The following SHTN1 variants were observed in gnomAD, a reference collection of about 807,000 sequenced individuals.
SHTN1 encodes shootin 1, also known as shootin-1.
A neutral mutation model predicts 83.1 loss-of-function variants in SHTN1; 42 were observed. The ratio of observed to expected loss-of-function variants is 0.51; its 90% CI spans 0.39 to 0.65. The LOEUF is 0.65. Among genes scored for constraint, SHTN1 ranks in the 30% least tolerant of loss-of-function variants. The probability of loss-of-function intolerance (pLI) is 0.00; values close to 1 mark genes in which losing one functional copy is unlikely to be tolerated. For missense variants in SHTN1, 622 were observed against 737.8 expected (o/e 0.84, Z 1.82); for synonymous variants, 224 against 247.7 (o/e 0.90, Z 0.90).
At chr10:116,944,280 C>T (rs1445910446) in intron 8 of SHTN1, among the ~76,000 whole-genome samples, 1 of 152,178 alleles carries the variant, frequency 6.6e-6, no homozygotes, top group Non-Finnish European at 1.5e-5. Context: ...CTTTCCCTTA[C>T]ATAGCATTTT....
chr10:116,905,208 C>CA (rs772309175), intron 15 of SHTN1, among the ~76,000 whole-genome samples: 8,568 of 62,622 alleles, frequency 0.14, 606 homozygotes, highest in East Asian at 0.26. Flanking sequence ...GACTCCGTCT[C>CA]AAAAAAAAAA....
intron 2 of SHTN1, among the ~76,000 whole-genome samples, chr10:117,016,035 C>A (rs1043252279): frequency 4.6e-5 from 7 of 152,194 alleles, no homozygotes; most frequent in Non-Finnish European, 8.8e-5. Flanking sequence ...TTTTGAACCA[C>A]ACATTTAGAT....
At chr10:117,028,360 T>C (rs1219007463) in intron 2 of SHTN1, among the ~76,000 whole-genome samples, 1 of 152,154 alleles carries the variant, frequency 6.6e-6, no homozygotes, top group Non-Finnish European at 1.5e-5. Context: ...GGCCATGTAG[T>C]AGTAAATAAA....
intron 2 of SHTN1, among the ~76,000 whole-genome samples, chr10:116,974,687 CATAA>C (rs1850729563): frequency 6.6e-6 from 1 of 152,170 alleles, no homozygotes; most frequent in Non-Finnish European, 1.5e-5. Context: ...TAATACTAAA[CATAA>C]ATACTTACTA....
chr10:116,996,563 A>C (rs1851634830), intron 1 of SHTN1, among the ~76,000 whole-genome samples: 1 of 152,200 alleles, frequency 6.6e-6, no homozygotes, highest in Non-Finnish European at 1.5e-5. Context: ...AAGATTTATA[A>C]ATCCTCTCAA....
intron 1 of SHTN1, among the ~76,000 whole-genome samples, chr10:117,002,989 C>A (rs1021546401): frequency 6.6e-6 from 1 of 152,084 alleles, no homozygotes. Context: ...TTTGTCAGGC[C>A]TCAAACCCAA....
chr10:116,995,151 T>A (rs1264062595), intron 1 of SHTN1, among the ~76,000 whole-genome samples: 2 of 152,182 alleles, frequency 1.3e-5, no homozygotes, highest in African/African-American at 4.8e-5. Context: ...TTCACATTTA[T>A]CATAACTGCT....
intron 7 of SHTN1, among the ~76,000 whole-genome samples, chr10:116,946,240 T>G (rs1324666633): frequency 6.7e-6 from 1 of 148,752 alleles, no homozygotes; most frequent in African/African-American, 2.4e-5. Context: ...TATGTATATA[T>G]GTAGAGAGAG....
intron 1 of SHTN1, among the ~76,000 whole-genome samples, chr10:117,103,919 T>G (rs1464875527): frequency 6.6e-6 from 1 of 152,162 alleles, no homozygotes; most frequent in Non-Finnish European, 1.5e-5. Context: ...GATGAATAAT[T>G]TTAATGGTAA....
intron 16 of SHTN1, among the ~76,000 whole-genome samples, chr10:116,895,670 T>C (rs1330205066): frequency 1.3e-5 from 2 of 152,216 alleles, no homozygotes; most frequent in Non-Finnish European, 2.9e-5. Context: ...AGGAATCTTA[T>C]GGTCATTCTT....
At chr10:117,039,809 C>A (rs1265284582) in intron 2 of SHTN1, among the ~76,000 whole-genome samples, 1 of 149,038 alleles carries the variant, frequency 6.7e-6, no homozygotes, top group Non-Finnish European at 1.5e-5. Context: ...GCCAAGATTG[C>A]GCCCCTGCAC....
At chr10:116,994,766 T>C (rs1230733206) in intron 1 of SHTN1, among the ~76,000 whole-genome samples, 1 of 152,164 alleles carries the variant, frequency 6.6e-6, no homozygotes, top group Non-Finnish European at 1.5e-5. Flanking sequence ...TTGAATCTTT[T>C]TTACAAACCT....
intron 13 of SHTN1, among the ~76,000 whole-genome samples, chr10:116,913,346 A>G (rs79402073): frequency 0.011 from 1,749 of 152,304 alleles, 19 homozygotes; most frequent in Non-Finnish European, 0.019. Flanking sequence ...ATGCAGTGAC[A>G]ATTTGTTTTA....
Position 116,911,143 on chromosome 10 carries a change from G to A in SHTN1, c.1359+647C>T, listed in dbSNP as rs1286243397. On this transcript the variant is annotated intron_variant, in intron 14 of 16. Coordinates refer to ENST00000355371, the MANE Select transcript of SHTN1 (RefSeq NM_001127211.3). ...GTATCTGAAACATTTTCTAAGTGAG[G>A]CATCTGTCTCTAACAGCAACTGCTG... 2.6e-5 allele frequency among the ~76,000 whole-genome samples: 4 copies of A among 152,170 alleles called. No individual in the cohort carries two copies. The East Asian group carries it at 7.7e-4, about 29-fold the overall frequency.
At chr10:117,046,838 C>G (rs1391838618) in intron 2 of SHTN1, among the ~76,000 whole-genome samples, 1 of 151,884 alleles carries the variant, frequency 6.6e-6, no homozygotes. Flanking sequence ...TTGCCAGGAG[C>G]TGGGGAAAAG....
At chr10:117,002,582 T>C (rs543713913) in intron 1 of SHTN1, among the ~76,000 whole-genome samples, 5 of 152,294 alleles carry the variant, frequency 3.3e-5, no homozygotes, top group African/African-American at 9.6e-5. Flanking sequence ...GCTTACAAAA[T>C]TGATCATAGT....
chr10:116,928,623 A>G (rs1259029153), intron 10 of SHTN1, among the ~76,000 whole-genome samples: 1 of 152,186 alleles, frequency 6.6e-6, no homozygotes, highest in Non-Finnish European at 1.5e-5. Flanking sequence ...GTTGGCACTC[A>G]GAGGTAGCTC....
intron 1 of SHTN1, among the ~76,000 whole-genome samples, chr10:117,061,167 G>C (rs1374707337): frequency 5.5e-5 from 8 of 144,390 alleles, no homozygotes. Flanking sequence ...TTTTTTCTGA[G>C]GTGGAGTCTC....
intron 1 of SHTN1, among the ~76,000 whole-genome samples, chr10:116,992,573 C>A (rs1450943116): frequency 6.6e-6 from 1 of 150,936 alleles, no homozygotes; most frequent in Non-Finnish European, 1.5e-5. Context: ...GCCCCCCAAA[C>A]TCTGTTTTTT....
Sources: allele counts gnomAD v4.1 joint callset (sites outside exome capture counted in the v4.1 genomes callset), GRCh38; gene constraint gnomAD v4.1.1; transcripts MANE v1.5; gene names NCBI Gene and HGNC (gene_info 2026-07-23, HGNC 2026-07-21).